MB21D2: variants seen among roughly 807,000 people sequenced by gnomAD.
MB21D2 encodes the protein Mab-21 domain containing 2.
A neutral mutation model predicts 33.3 loss-of-function variants in MB21D2; 9 were observed. The observed-to-expected ratio is 0.27, with a 90% CI of 0.16 to 0.47. MB21D2 has a LOEUF of 0.47. Ranked by LOEUF, MB21D2 falls within the 20% of genes least tolerant of loss-of-function variation. The probability of loss-of-function intolerance (pLI) is 0.99; values close to 1 mark genes in which losing one functional copy is unlikely to be tolerated. For missense variants in MB21D2, 540 were observed against 624.6 expected (o/e 0.86, Z 1.44); for synonymous variants, 241 against 236.3 (o/e 1.02, Z -0.18).
At chr3:192,869,299 G>GAGGAGGGGAGGAGGGA (rs1560244607) in intron 1 of MB21D2, among the ~76,000 whole-genome samples, 3 of 116,566 alleles carry the variant, frequency 2.6e-5, no homozygotes, top group African/African-American at 9.4e-5. Flanking sequence ...GGGAGGAGGG[G>GAGGAGGGGAGGAGGGA]AGGAGGGAAG....
At chr3:192,917,136 C>CA (rs1273992377) in intron 1 of MB21D2, among the ~76,000 whole-genome samples, 1 of 152,226 alleles carries the variant, frequency 6.6e-6, no homozygotes. Flanking sequence ...CGCGAGACGA[C>CA]AGAAGCAACT....
chr3:192,829,342 G>T (rs1030596967), intron 1 of MB21D2, among the ~76,000 whole-genome samples: 1 of 152,156 alleles, frequency 6.6e-6, no homozygotes, highest in African/African-American at 2.4e-5. Context: ...TTGTGTACAG[G>T]CCTTTGTGTA....
intron 1 of MB21D2, among the ~76,000 whole-genome samples, chr3:192,886,479 G>C (rs1713735246): frequency 6.6e-6 from 1 of 152,028 alleles, no homozygotes; most frequent in African/African-American, 2.4e-5. Context: ...AGCAAATCTT[G>C]ACACTTTGCT....
At chr3:192,847,630 C>A (rs1712703951) in intron 1 of MB21D2, among the ~76,000 whole-genome samples, 1 of 152,180 alleles carries the variant, frequency 6.6e-6, no homozygotes, top group South Asian at 2.1e-4. Flanking sequence ...AAAGTTCTTG[C>A]AGGACAAACA....
At chr3:192,888,422 T>C (rs1560251498) in intron 1 of MB21D2, among the ~76,000 whole-genome samples, 1 of 152,084 alleles carries the variant, frequency 6.6e-6, no homozygotes, top group Admixed American at 6.5e-5. Flanking sequence ...ATAACATTCA[T>C]TAAAGCACGC....
At chr3:192,854,915 C>A (rs934872719) in intron 1 of MB21D2, among the ~76,000 whole-genome samples, 9 of 152,186 alleles carry the variant, frequency 5.9e-5, no homozygotes, top group Non-Finnish European at 8.8e-5. Context: ...AAAAAAGATT[C>A]TTTTCAAAAT....
chr3:192,898,913 T>C (rs1408807949), intron 1 of MB21D2, among the ~76,000 whole-genome samples: 1 of 152,164 alleles, frequency 6.6e-6, no homozygotes, highest in Non-Finnish European at 1.5e-5. Context: ...GATGGGGCTT[T>C]CCATCAAAGG....
intron 1 of MB21D2, among the ~76,000 whole-genome samples, chr3:192,820,318 G>A (rs1433305580): frequency 6.6e-6 from 1 of 152,034 alleles, no homozygotes; most frequent in African/African-American, 2.4e-5. Context: ...TCTAACTTAA[G>A]CACAAAGAGC....
intron 1 of MB21D2, among the ~76,000 whole-genome samples, chr3:192,892,613 G>A (rs1713874010): frequency 1.3e-5 from 2 of 152,072 alleles, no homozygotes; most frequent in East Asian, 1.9e-4. Context: ...GCTACTTTTT[G>A]TATTTTTTTA....
intron 1 of MB21D2, among the ~76,000 whole-genome samples, chr3:192,856,147 G>T (rs964438809): frequency 7.9e-5 from 12 of 152,160 alleles, no homozygotes; most frequent in Admixed American, 6.5e-4. Flanking sequence ...TGTTTCCAAT[G>T]TTCAGAATAA....
rs546386167 is a variant in MB21D2 at position 192,874,944 on chromosome 3, C to T, written c.211+42686G>A. Among the ~76,000 whole-genome samples the T allele has an allele frequency of 9.2e-5, 14 of 152,116 alleles. No homozygotes were observed. In the South Asian group the frequency reaches 2.9e-3, roughly 32 times the overall value. ...GTTAGGTCTAGGGGTGCTTTACAGT[C>T]ACTGCACTGAAGACGCACCATCTAG... On this transcript the variant is annotated intron_variant, in intron 1 of 1. Transcript: ENST00000392452.
At chr3:192,833,782 T>A (rs1391558507) in intron 1 of MB21D2, among the ~76,000 whole-genome samples, 1 of 152,160 alleles carries the variant, frequency 6.6e-6, no homozygotes, top group Non-Finnish European at 1.5e-5. Context: ...GTTGTTGCAA[T>A]GAAGTTTTTC....
At chr3:192,864,744 T>C (rs182942200) in intron 1 of MB21D2, among the ~76,000 whole-genome samples, 1 of 152,078 alleles carries the variant, frequency 6.6e-6, no homozygotes, top group South Asian at 2.1e-4. Context: ...TAAGCTCAGG[T>C]GATCTGCCCG....
intron 1 of MB21D2, among the ~76,000 whole-genome samples, chr3:192,810,884 T>C (rs561403316): frequency 0.06 from 2,308 of 38,300 alleles, 29 homozygotes; most frequent in African/African-American, 0.12. Context: ...AGTATGCTTG[T>C]GTGTGTGTGT....
intron 1 of MB21D2, among the ~76,000 whole-genome samples, chr3:192,813,869 C>T (rs939270961): frequency 1.3e-5 from 2 of 152,138 alleles, no homozygotes; most frequent in East Asian, 3.8e-4. Context: ...ATGGTTATAG[C>T]CAGACTGCCT....
intron 1 of MB21D2, among the ~76,000 whole-genome samples, chr3:192,915,180 A>AC (rs996924860): frequency 1.1e-4 from 17 of 150,934 alleles, no homozygotes; most frequent in East Asian, 5.9e-4. Flanking sequence ...GCCACCCTCC[A>AC]CCCCCCCGCC....
intron 1 of MB21D2, among the ~76,000 whole-genome samples, chr3:192,868,253 G>A (rs1713211993): frequency 6.6e-6 from 1 of 152,166 alleles, no homozygotes; most frequent in Admixed American, 6.5e-5. Flanking sequence ...AAAGATAGAA[G>A]GGCTAGGTGC....
intron 1 of MB21D2, among the ~76,000 whole-genome samples, chr3:192,911,900 T>C (rs190196139): frequency 1.2e-4 from 18 of 152,270 alleles, no homozygotes; most frequent in Middle Eastern, 3.4e-3. Flanking sequence ...ATGCAGCACA[T>C]AGTGAATACA....
chr3:192,826,210 A>G (rs1377097530), intron 1 of MB21D2, among the ~76,000 whole-genome samples: 1 of 152,224 alleles, frequency 6.6e-6, no homozygotes, highest in East Asian at 1.9e-4. Context: ...TTCTCCATAT[A>G]CTAGAACCTT....
Sources: gnomAD v4.1 joint callset for allele counts (sites outside exome capture counted in the v4.1 genomes callset) on GRCh38, gnomAD v4.1.1 for gene constraint, MANE v1.5 for transcripts, NCBI Gene and HGNC (gene_info 2026-07-23, HGNC 2026-07-21) for gene names.